UHRF2: variants seen among roughly 807,000 people sequenced by gnomAD.
The protein encoded by UHRF2 is ubiquitin like with PHD and ring finger domains 2.
A neutral mutation model predicts 96.8 loss-of-function variants in UHRF2; 23 were observed. The observed-to-expected ratio is 0.24, with a 90% confidence interval of 0.17 to 0.34. The LOEUF is 0.34. Ranked by LOEUF, UHRF2 falls within the 10% of genes least tolerant of loss-of-function variation. The probability of loss-of-function intolerance (pLI) is 1.00; values close to 1 mark genes in which losing one functional copy is unlikely to be tolerated. For missense variants in UHRF2, 685 were observed against 981.5 expected (o/e 0.70, Z 4.04); for synonymous variants, 385 against 332.6 (o/e 1.16, Z -1.72).
At chr9:6,487,066 A>G (rs1824331758) in intron 9 of UHRF2, 141 bp downstream of exon 9, 1 of 711,814 alleles carries the variant, frequency 1.4e-6, no homozygotes, top group Non-Finnish European at 2.3e-6. Flanking sequence ...TACAAGTTAG[A>G]AAGTAAATCA....
At chr9:6,429,122 A>G (rs747752006) in intron 2 of UHRF2, among the ~76,000 whole-genome samples, 2 of 151,624 alleles carry the variant, frequency 1.3e-5, no homozygotes, top group Non-Finnish European at 2.9e-5. Context: ...CCAACATCGC[A>G]CCACTGCACT....
rs1187877319 is a variant in UHRF2, at chr9:6,486,937, T to C, written c.1497+12T>C. 2.5e-6 allele frequency: 4 copies of C among 1,612,788 alleles called. No homozygotes were observed. The South Asian group carries it at 3.3e-5, about 13-fold the overall frequency. On this transcript the variant is annotated intron_variant, in intron 9 of 15. Transcript: ENST00000276893. Reference sequence around the variant, plus strand: ...TTGCGGATGAAGTCGTAAGTCATTATACAACCTTACTCATTAGTACCTGCC... The same window carrying C: ...TTGCGGATGAAGTCGTAAGTCATTACACAACCTTACTCATTAGTACCTGCC...
intron 2 of UHRF2, among the ~76,000 whole-genome samples, chr9:6,421,629 C>A (rs1391396202): frequency 6.6e-6 from 1 of 152,086 alleles, no homozygotes; most frequent in Non-Finnish European, 1.5e-5. Context: ...GTAGGCCAGG[C>A]TAGTCTCGAA....
At chr9:6,458,949 C>T (rs1461393019) in intron 3 of UHRF2, among the ~76,000 whole-genome samples, 1 of 152,188 alleles carries the variant, frequency 6.6e-6, no homozygotes, top group Admixed American at 6.5e-5. Flanking sequence ...CCATCATTCT[C>T]AGCAAACTAA....
intron 8 of UHRF2, chr9:6,484,575 G>GTT (rs1469838452): frequency 6.8e-6 from 1 of 145,994 alleles, no homozygotes; most frequent in African/African-American, 2.5e-5. Flanking sequence ...GCTGATTTTT[G>GTT]TGTTTTTTTT....
chr9:6,498,260 TG>T, intron 12 of UHRF2, 102 bp downstream of exon 12: 2 of 1,283,688 alleles, frequency 1.6e-6, no homozygotes, highest in Non-Finnish European at 2.1e-6. Context: ...AATTGACTGG[TG>T]GACTATAAGG....
intron 3 of UHRF2, among the ~76,000 whole-genome samples, chr9:6,435,339 T>A (rs1006181575): frequency 6.6e-6 from 1 of 151,860 alleles, no homozygotes; most frequent in Non-Finnish European, 1.5e-5. Flanking sequence ...TTGTCCAGGC[T>A]GGTGTTGAAC....
At chr9:6,434,319 T>G in intron 3 of UHRF2, 146 bp downstream of exon 3, 37 of 973,248 alleles carry the variant, frequency 3.8e-5, no homozygotes, top group Non-Finnish European at 5.1e-5. Context: ...TTGGTGGTTG[T>G]ACTCTAATTT....
intron 9 of UHRF2, among the ~76,000 whole-genome samples, chr9:6,491,307 C>T (rs186510927): frequency 6.6e-6 from 1 of 152,302 alleles, no homozygotes; most frequent in Admixed American, 6.5e-5. Context: ...ACCTCTGCCA[C>T]ATCTGTAAAA....
intron 4 of UHRF2, among the ~76,000 whole-genome samples, chr9:6,466,909 C>T (rs2130864682): frequency 6.6e-6 from 1 of 152,336 alleles, no homozygotes; most frequent in East Asian, 1.9e-4. Context: ...TCTTAATCAC[C>T]CTTTTTAAAA....
In UHRF2 at chr9:6,497,205, G is replaced by C; in HGVS notation, c.1612G>C (p.Ala538Pro). 6.2e-7 allele frequency: 1 copy of C among 1,613,534 alleles called. No homozygotes were observed. The highest frequency in any genetic ancestry group is 8.5e-7 in the Non-Finnish European group (1 of 1,179,740). Residue 538 changes from alanine (A) to proline (P), a missense_variant, in exon 11 of 16, where the codon GCC becomes CCC. Around this residue, in one of 6 missense-constraint regions of UHRF2, gnomAD observed 73 missense variants for 283.7 expected, o/e 0.26. Transcript: ENST00000276893. The stretch of plus-strand genomic sequence containing the variant: ...TTCTTTGTTGTTTTTTAGGGCATTG[G>C]CCCTAAACTGTGATGCTCCATTGGA... ...QTLTNMNRAL[A>P]LNCDAPLDDK...
At chr9:6,435,900 C>T (rs1035847455) in intron 3 of UHRF2, among the ~76,000 whole-genome samples, 15 of 152,142 alleles carry the variant, frequency 9.9e-5, no homozygotes, top group Admixed American at 6.6e-4. Flanking sequence ...TGAGCCACCA[C>T]GACCGGCCCA....
At position 6,477,821 on chromosome 9, in the gene UHRF2, G is replaced by C. The variant is rs761896941; in HGVS notation, c.1160+13G>C. The stretch of plus-strand genomic sequence containing the variant: ...AAGAGGAATACTGGTATGATTATCA[G>C]GTTTTTGTTGTTGTTGTTCTTGCTG... On this transcript the variant is annotated intron_variant, in intron 6 of 15. Coordinates refer to ENST00000276893, the MANE Select transcript of UHRF2 (RefSeq NM_152896.3). The C allele has an allele frequency of 1.3e-6, 2 of 1,566,868 alleles. No homozygotes were observed. Among genetic ancestry groups the C allele is most frequent in the Non-Finnish European group, 1.7e-6 (2 of 1,151,260 alleles).
intron 1 of UHRF2, among the ~76,000 whole-genome samples, chr9:6,417,648 A>G (rs758608159): frequency 7.2e-5 from 11 of 152,320 alleles, no homozygotes; most frequent in South Asian, 6.2e-4. Flanking sequence ...AGGAGTACCT[A>G]TGAATTAGCG....
chr9:6,488,314 A>G (rs1431900709), intron 9 of UHRF2, among the ~76,000 whole-genome samples: 11 of 130,056 alleles, frequency 8.5e-5, no homozygotes, highest in Admixed American at 5.4e-4. Context: ...AAAATGCGGG[A>G]AGGGGATCCT....
chr9:6,454,427 C>T (rs959907991), intron 3 of UHRF2, among the ~76,000 whole-genome samples: 1 of 152,044 alleles, frequency 6.6e-6, no homozygotes, highest in African/African-American at 2.4e-5. Context: ...AAGAGTGTGT[C>T]GATTTCTTCA....
intron 10 of UHRF2, chr9:6,495,907 T>C (rs962497528): frequency 1.3e-5 from 2 of 152,086 alleles, no homozygotes; most frequent in African/African-American, 4.8e-5. Flanking sequence ...AATATCTCAA[T>C]AGGTATTCTG....
At chr9:6,422,596 C>G in intron 2 of UHRF2, 1 of 574,088 alleles carries the variant, frequency 1.7e-6, no homozygotes, top group East Asian at 3.1e-5. Flanking sequence ...AAAGACTTGA[C>G]TTCTCCATTA....
At chr9:6,495,211 CT>C (rs1824893176) in intron 10 of UHRF2, 2 of 152,246 alleles carry the variant, frequency 1.3e-5, no homozygotes, top group Admixed American at 6.5e-5. Flanking sequence ...TCCTTTCACA[CT>C]TTTGGACAAT....
Sources: allele counts gnomAD v4.1 joint callset (sites outside exome capture counted in the v4.1 genomes callset), GRCh38; gene constraint gnomAD v4.1.1; regional missense constraint gnomAD v4.1.1; transcripts MANE v1.5; gene names NCBI Gene and HGNC (gene_info 2026-07-23, HGNC 2026-07-21).